The following MYH9 variants were observed in gnomAD, a reference collection of about 807,000 sequenced individuals.
MYH9 encodes the protein myosin-9.
A neutral mutation model predicts 241.9 loss-of-function variants in MYH9; 29 were observed. The observed-to-expected ratio is 0.12, with a 90% confidence interval of 0.09 to 0.16. The LOEUF (loss-of-function observed/expected upper bound fraction) is 0.16, where lower values mean the gene tolerates loss of function less well. Among genes scored for constraint, MYH9 ranks in the 10% least tolerant of loss-of-function variants. The probability of loss-of-function intolerance (pLI) is 1.00; values close to 1 mark genes in which losing one functional copy is unlikely to be tolerated. For synonymous variants in MYH9, 1,047 were observed against 1,062.6 expected (o/e 0.99, Z 0.29); for missense variants, 1,803 against 2,595.5 (o/e 0.69, Z 6.63).
chr22:36,322,410 G>A lies in MYH9; in HGVS notation c.705+19C>T, dbSNP rs1236152809. 1.2e-6 allele frequency: 2 copies of A among 1,613,006 alleles called. No individual in the cohort carries two copies. Among genetic ancestry groups the A allele is most frequent in the Admixed American group, 3.3e-5 (2 of 60,006 alleles). On this transcript the variant is annotated intron_variant, in intron 6 of 40. Transcript: ENST00000216181. ...AAGGCCCTCTGTCCCCAGAGCCGGG[G>A]CGCCGCCGCGCTACTCACGAAGCGG...
chr22:36,332,199 ACTCT>A (rs2017431607), intron 3 of MYH9, among the ~76,000 whole-genome samples: 1 of 152,102 alleles, frequency 6.6e-6, no homozygotes, highest in Non-Finnish European at 1.5e-5. Context: ...GGGCCGCGAC[ACTCT>A]CATGACGAGA....
At chr22:36,319,510 T>C (rs1225498245) in intron 10 of MYH9, 30 bp downstream of exon 10, 1 of 1,608,020 alleles carries the variant, frequency 6.2e-7, no homozygotes, top group African/African-American at 1.3e-5. Context: ...ACCTGCCCCA[T>C]TATTTCCAGC....
intron 40 of MYH9, 109 bp from the exon 41 acceptor site, chr22:36,282,894 G>T: frequency 1.0e-6 from 1 of 980,238 alleles, no homozygotes. Flanking sequence ...CCAGGTGCCT[G>T]GCTGCTCCCA....
At position 36,301,016 on chromosome 22, in the gene MYH9, T is replaced by C. The variant is rs1410131208; in HGVS notation, c.2673A>G (p.Ala891=). ...CAGCCTCGGCACACAGCTCGGTTTC[T>C]GCCTGGAGCTGCTCCTGCAGCTGCA... The part of the protein sequence containing the change: ...EKLQLQEQLQ[A]ETELCAEAEE... Residue 891 remains alanine, a synonymous_variant, in exon 22 of 41, where the codon GCA becomes GCG. Transcript: ENST00000216181. 2 of 1,611,592 alleles carry C rather than the reference T, an allele frequency of 1.2e-6. No individual in the cohort carries two copies. Among genetic ancestry groups the C allele is most frequent in the South Asian group, 1.1e-5 (1 of 91,086 alleles).
At chr22:36,324,079 G>A (rs1165761163) in intron 5 of MYH9, among the ~76,000 whole-genome samples, 2 of 152,364 alleles carry the variant, frequency 1.3e-5, no homozygotes, top group East Asian at 1.9e-4. Context: ...TCCCATTCCC[G>A]CAGACAGAAG....
chr22:36,369,139 T>A (rs1343386193), intron 1 of MYH9, among the ~76,000 whole-genome samples: 1 of 152,124 alleles, frequency 6.6e-6, no homozygotes, highest in African/African-American at 2.4e-5. Flanking sequence ...ACACAGCTAG[T>A]CAATGGCAGG....
At chr22:36,310,231 C>T (rs2017039678) in intron 14 of MYH9, among the ~76,000 whole-genome samples, 1 of 148,718 alleles carries the variant, frequency 6.7e-6, no homozygotes, top group East Asian at 2.0e-4. Flanking sequence ...GATCGTGCCA[C>T]TGTACTCTAG....
In MYH9 at chr22:36,288,739, C is replaced by T. The variant is rs755076490; in HGVS notation, c.4758G>A (p.Gln1586=). The T allele has an allele frequency of 3.7e-6, 6 of 1,604,144 alleles. No individual in the cohort carries two copies. The South Asian group carries it at 5.5e-5, about 15-fold the overall frequency. ...AGGCCATGCACACCTGTCTGACCAGCTGCTTCTTCTTCTCCTCGCTCTGCT... is the reference window on the plus strand; with the variant it reads ...AGGCCATGCACACCTGTCTGACCAGTTGCTTCTTCTTCTCCTCGCTCTGCT... ...RDEQSEEKKK[Q]LVRQVREMEA... is the part of the protein sequence containing the mutation. The change falls in exon 33 of 41, where the codon CAG becomes CAA. Residue 1586 remains glutamine (Q), a synonymous_variant. Transcript: ENST00000216181. The surrounding 1 kb of genome is among the most constrained non-coding windows in gnomAD (Gnocchi z 4.8).
chr22:36,296,159 C>A lies in MYH9; in HGVS notation c.3273-442G>T, dbSNP rs556403489. On this transcript the variant is annotated intron_variant, in intron 25 of 40. Coordinates refer to ENST00000216181, the MANE Select transcript of MYH9 (RefSeq NM_002473.6). ...GATGTTGACTGCAGGGGAGGCGGTGCGTGAGTGGGGCAGTGGATAGATGGA... is the reference window on the plus strand; with the variant it reads ...GATGTTGACTGCAGGGGAGGCGGTGAGTGAGTGGGGCAGTGGATAGATGGA... 1.1e-4 allele frequency among the ~76,000 whole-genome samples: 17 copies of A among 152,202 alleles called. No homozygotes were observed. The South Asian group carries it at 2.9e-3, about 26-fold the overall frequency.
At chr22:36,297,325 A>G (rs1390630202) in intron 24 of MYH9, 1 of 386,146 alleles carries the variant, frequency 2.6e-6, no homozygotes, top group African/African-American at 2.1e-5. Flanking sequence ...TCTCTAAAAA[A>G]CATGTTCAAT....
chr22:36,293,867 C>G lies in MYH9; in HGVS notation c.3838-4G>C. ...CGGTCACGTTGTCCAGCTCCACCTGCACCGGGCGGGGAGACACAAAGGACC... is the reference window on the plus strand; with the variant it reads ...CGGTCACGTTGTCCAGCTCCACCTGGACCGGGCGGGGAGACACAAAGGACC... On this transcript the variant is annotated splice_region_variant and splice_polypyrimidine_tract_variant and intron_variant, in intron 28 of 40. Transcript: ENST00000216181. This position sits in a 1 kb window ranked among gnomAD's most constrained non-coding sequence, Gnocchi z 5.1. 6.2e-7 allele frequency: 1 copy of G among 1,612,068 alleles called. No homozygotes were observed. The highest frequency in any genetic ancestry group is 8.5e-7 in the Non-Finnish European group (1 of 1,179,266).
At position 36,348,958 on chromosome 22, in the gene MYH9, G is replaced by A. The variant is rs121913655; in HGVS notation, c.279C>T (p.Asn93=). The change falls in exon 2 of 41, where the codon AAC becomes AAT. Residue 93 remains asparagine, a synonymous_variant. Transcript: ENST00000216181. ...TGAGGTTGTGCAGCACCGAGGCTTCGTTGAGGCACGTGAGCTCTGCCATGT... is the reference window on the plus strand; with the variant it reads ...TGAGGTTGTGCAGCACCGAGGCTTCATTGAGGCACGTGAGCTCTGCCATGT... The part of the protein sequence containing the change: ...VEDMAELTCL[N]EASVLHNLKE... The A allele has an allele frequency of 2.4e-5, 38 of 1,614,044 alleles. No homozygotes were observed. Among genetic ancestry groups the A allele is most frequent in the Middle Eastern group, 1.6e-4 (1 of 6,062 alleles).
At position 36,304,104 on chromosome 22, in the gene MYH9, C is replaced by T; in HGVS notation, c.2281G>A (p.Val761Ile). The T allele has an allele frequency of 6.2e-7, 1 of 1,613,790 alleles. No homozygotes were observed. Among genetic ancestry groups the T allele is most frequent in the South Asian group, 1.1e-5 (1 of 91,080 alleles). Residue 761 changes from valine (V) to isoleucine (I), a missense_variant, in exon 19 of 41, where the codon GTC becomes ATC. Val to Ile is a conservative substitution (Grantham distance 29). Coordinates refer to ENST00000216181, the MANE Select transcript of MYH9 (RefSeq NM_002473.6). ...GCCAGCACACCGGCACGGAAGAAGA[C>T]TTTGCTCTGGCCAATGCGGTACAGA... ...SNLYRIGQSK[V>I]FFRAGVLAHL... is the part of the protein sequence containing the mutation.
At chr22:36,362,045 G>A (rs988634740) in intron 1 of MYH9, among the ~76,000 whole-genome samples, 1 of 152,172 alleles carries the variant, frequency 6.6e-6, no homozygotes, top group African/African-American at 2.4e-5. Context: ...CTCCAGCCTG[G>A]GGGACAGAGC....
chr22:36,351,000 G>GTGCTTTTGT (rs2017756731), intron 1 of MYH9, among the ~76,000 whole-genome samples: 2 of 152,208 alleles, frequency 1.3e-5, no homozygotes, highest in Non-Finnish European at 2.9e-5. Flanking sequence ...GAACACCATG[G>GTGCTTTTGT]GCTTTTGTGC....
At chr22:36,316,788 G>A in intron 11 of MYH9, 119 bp from the exon 12 acceptor site, 5 of 1,180,036 alleles carry the variant, frequency 4.2e-6, no homozygotes, top group Non-Finnish European at 6.0e-6. Context: ...CCCTAAGTAT[G>A]TGGGGGAAAA....
At chr22:36,346,637 C>G (rs977385002) in intron 2 of MYH9, among the ~76,000 whole-genome samples, 4 of 152,186 alleles carry the variant, frequency 2.6e-5, no homozygotes, top group Non-Finnish European at 4.4e-5. Flanking sequence ...GGGTCTCACT[C>G]TGTCGTCCAG....
At position 36,320,480 on chromosome 22, in the gene MYH9, T is replaced by C. The variant is rs1024759966; in HGVS notation, c.869-117A>G. 1 of 1,335,774 alleles carries C rather than the reference T, an allele frequency of 7.5e-7. No individual in the cohort carries two copies. The highest frequency in any genetic ancestry group is 1.1e-6 in the Non-Finnish European group (1 of 946,180). The allele number at this position is 1,335,774 out of a possible 1,614,324, so 82.7% of individuals were successfully genotyped here. A position where few individuals can be genotyped will look rare whatever the true frequency, so the allele number is the denominator to read the frequency against. On this transcript the variant is annotated intron_variant, in intron 8 of 40. Transcript: ENST00000216181. The surrounding 1 kb of genome is among the most constrained non-coding windows in gnomAD (Gnocchi z 4.8). ...ACAGACCCTGAGCCCTGACGCACCC[T>C]GGAAACCGCAGAGTAGCCAGTGACG...
chr22:36,320,144 T>C lies in MYH9; in HGVS notation c.1012+76A>G. On this transcript the variant is annotated intron_variant, in intron 9 of 40. Coordinates refer to ENST00000216181, the MANE Select transcript of MYH9 (RefSeq NM_002473.6). This position sits in a 1 kb window ranked among gnomAD's most constrained non-coding sequence, Gnocchi z 4.8. ...TAGCAGGCTCCCCAGGCCCATCGGC[T>C]ACCCTGATGCCCCGAGGCCGTGGGT... 1 of 1,550,466 alleles carries C rather than the reference T, an allele frequency of 6.4e-7. No individual in the cohort carries two copies.
Sources: gnomAD v4.1 joint callset for allele counts (sites outside exome capture counted in the v4.1 genomes callset) on GRCh38, gnomAD v4.1.1 for gene constraint, Gnocchi (gnomAD v3.1) non-coding constraint, MANE v1.5 for transcripts, NCBI Gene and HGNC (gene_info 2026-07-23, HGNC 2026-07-21) for gene names.